The following SEC22A variants were observed in gnomAD, a reference collection of about 807,000 sequenced individuals.
SEC22A encodes vesicle-trafficking protein SEC22a.
In SEC22A, 22 loss-of-function variants were observed where a neutral mutation model predicts 35.3. The observed-to-expected ratio is 0.62, with a 90% CI of 0.45 to 0.89. The LOEUF (loss-of-function observed/expected upper bound fraction) is 0.89. Among genes scored for constraint, SEC22A ranks in the 40% least tolerant of loss-of-function variants. The pLI is 0.00. For missense variants in SEC22A, 354 were observed against 362.5 expected (o/e 0.98, Z 0.19); for synonymous variants, 119 against 129.5 (o/e 0.92, Z 0.55).
At chr3:123,257,489 G>A (rs1937759449) in intron 5 of SEC22A, among the ~76,000 whole-genome samples, 1 of 151,954 alleles carries the variant, frequency 6.6e-6, no homozygotes, top group Admixed American at 6.6e-5. Flanking sequence ...TTGAAGTCAG[G>A]AGTTCAAAAT....
chr3:123,270,199 G>C (rs539221550), intron 6 of SEC22A, among the ~76,000 whole-genome samples: 1 of 152,222 alleles, frequency 6.6e-6, no homozygotes, highest in African/African-American at 2.4e-5. Context: ...ACAATAAACT[G>C]TTTTTGCATC....
At chr3:123,243,416 G>A (rs147234463) in intron 4 of SEC22A, among the ~76,000 whole-genome samples, 1,869 of 152,106 alleles carry the variant, frequency 0.012, 40 homozygotes, top group African/African-American at 0.043. Flanking sequence ...GTTGTTACTC[G>A]TTTCTCCCAT....
chr3:123,202,464 A>C (rs1936766171), intron 1 of SEC22A, among the ~76,000 whole-genome samples: 1 of 151,866 alleles, frequency 6.6e-6, no homozygotes, highest in Non-Finnish European at 1.5e-5. Flanking sequence ...GTCTTACTTT[A>C]CGTTTTGTGG....
intron 5 of SEC22A, among the ~76,000 whole-genome samples, chr3:123,246,737 C>T (rs1002880260): frequency 5.3e-5 from 8 of 152,088 alleles, no homozygotes; most frequent in African/African-American, 1.9e-4. Context: ...TATTTCTATT[C>T]ACTTTCTCTG....
chr3:123,258,513 T>A (rs1576502942), intron 5 of SEC22A, among the ~76,000 whole-genome samples: 1 of 152,322 alleles, frequency 6.6e-6, no homozygotes, highest in Middle Eastern at 3.4e-3. Flanking sequence ...CTTCCTTGCC[T>A]CTGGGGTGCA....
chr3:123,230,027 A>G (rs936018572), intron 4 of SEC22A, among the ~76,000 whole-genome samples: 4 of 152,114 alleles, frequency 2.6e-5, no homozygotes, highest in African/African-American at 9.7e-5. Flanking sequence ...TCATGCCTGT[A>G]ATCTTAATAC....
At chr3:123,218,204 T>C (rs952590918) in intron 2 of SEC22A, among the ~76,000 whole-genome samples, 2 of 152,198 alleles carry the variant, frequency 1.3e-5, no homozygotes, top group African/African-American at 4.8e-5. Context: ...CTGCCAGTCT[T>C]ACCTGTTAGG....
At chr3:123,227,039 G>T (rs1202405836) in intron 4 of SEC22A, among the ~76,000 whole-genome samples, 1 of 152,160 alleles carries the variant, frequency 6.6e-6, no homozygotes, top group Non-Finnish European at 1.5e-5. Flanking sequence ...GACTGTCACG[G>T]AAGGTGTAAA....
intron 1 of SEC22A, among the ~76,000 whole-genome samples, chr3:123,202,747 C>T (rs1936771677): frequency 6.6e-6 from 1 of 152,176 alleles, no homozygotes; most frequent in Non-Finnish European, 1.5e-5. Context: ...GAACCAGTCC[C>T]TCCTATGCCT....
At chr3:123,203,013 G>C (rs1358468545) in intron 1 of SEC22A, among the ~76,000 whole-genome samples, 1 of 143,298 alleles carries the variant, frequency 7.0e-6, no homozygotes, top group Non-Finnish European at 1.5e-5. Flanking sequence ...GGGACATTCG[G>C]GTATTTCCTA....
chr3:123,204,857 C>A (rs1271828870), intron 1 of SEC22A: 2 of 152,118 alleles, frequency 1.3e-5, no homozygotes, highest in Admixed American at 1.3e-4. Context: ...ATCTATGGCC[C>A]CGATAAGCTA....
intron 5 of SEC22A, among the ~76,000 whole-genome samples, chr3:123,258,720 G>T (rs112455277): frequency 0.014 from 2,031 of 149,272 alleles, 50 homozygotes; most frequent in African/African-American, 0.048. Context: ...GTATAAAGAG[G>T]TTTTTTTTTT....
intron 4 of SEC22A, among the ~76,000 whole-genome samples, chr3:123,229,125 C>T (rs1290484301): frequency 6.6e-6 from 1 of 152,174 alleles, no homozygotes; most frequent in Non-Finnish European, 1.5e-5. Context: ...TTAGTCTGCT[C>T]TTGCAGGAAG....
chr3:123,260,971 G>T (rs1553713042), intron 6 of SEC22A, among the ~76,000 whole-genome samples: 1 of 151,916 alleles, frequency 6.6e-6, no homozygotes. Context: ...GAGTAGCTGG[G>T]AATACAGGCT....
intron 1 of SEC22A, among the ~76,000 whole-genome samples, chr3:123,207,661 G>A (rs1218239932): frequency 2.0e-5 from 3 of 152,280 alleles, no homozygotes; most frequent in Admixed American, 2.0e-4. Flanking sequence ...AGAATTTTGA[G>A]GGCAGAGCTC....
At chr3:123,245,717 G>A (rs987637624) in intron 4 of SEC22A, among the ~76,000 whole-genome samples, 182 bp from the exon 5 acceptor site, 6 of 152,132 alleles carry the variant, frequency 3.9e-5, no homozygotes, top group Admixed American at 3.9e-4. Flanking sequence ...GGGAAATGAA[G>A]CTTTTATGTT....
chr3:123,267,881 ATGTTC>A (rs1360728251), intron 6 of SEC22A, among the ~76,000 whole-genome samples: 1 of 152,184 alleles, frequency 6.6e-6, no homozygotes, highest in Non-Finnish European at 1.5e-5. Context: ...CACTTGAGAA[ATGTTC>A]TAGTTTTTTT....
rs1209068087 is a variant in SEC22A, at chr3:123,271,705, C to G, written c.907C>G (p.Pro303Ala). 1.9e-6 allele frequency: 3 copies of G among 1,613,886 alleles called. No individual in the cohort carries two copies. The highest frequency in any genetic ancestry group is 1.3e-5 in the African/African-American group (1 of 74,904). Residue 303 changes from proline (P) to alanine (A), a missense_variant, in exon 7 of 7, where the codon CCC (proline) becomes GCC (alanine). Pro to Ala is a conservative substitution (Grantham distance 27). Coordinates refer to ENST00000492595, the MANE Select transcript of SEC22A (RefSeq NM_012430.5). The part of the protein sequence containing the change: ...IWLRQAQGKA[P>A]DYDV Reference sequence around the variant, plus strand: ...GCTAAGGCAAGCCCAGGGCAAGGCTCCCGATTATGATGTCTGACACCATCC... The same window carrying G: ...GCTAAGGCAAGCCCAGGGCAAGGCTGCCGATTATGATGTCTGACACCATCC...
At chr3:123,263,061 C>G (rs1937928054) in intron 6 of SEC22A, among the ~76,000 whole-genome samples, 1 of 152,200 alleles carries the variant, frequency 6.6e-6, no homozygotes, top group South Asian at 2.1e-4. Context: ...GCCATATCCA[C>G]TTCCTTAATC....
Sources: allele counts gnomAD v4.1 joint callset (sites outside exome capture counted in the v4.1 genomes callset), GRCh38; gene constraint gnomAD v4.1.1; transcripts MANE v1.5; gene names NCBI Gene and HGNC (gene_info 2026-07-23, HGNC 2026-07-21).